The following WDR70 variants were observed in gnomAD, a reference collection of about 807,000 sequenced individuals.
WDR70 encodes WD repeat domain 70.
WDR70 carries 53 observed loss-of-function variants against 88.6 expected under a neutral mutation model. The observed-to-expected ratio is 0.60, with a 90% CI of 0.48 to 0.75. WDR70 has a LOEUF of 0.75. Ranked by LOEUF, WDR70 falls within the 30% of genes least tolerant of loss-of-function variation. WDR70 has a pLI of 0.00. For synonymous variants in WDR70, 280 were observed against 270.0 expected, an observed-to-expected ratio of 1.04 and a Z score of -0.36; for missense variants, 610 against 823.2, an observed-to-expected ratio of 0.74 and a Z score of 3.17.
chr5:37,551,159 G>T (rs1334866066), intron 9 of WDR70, among the ~76,000 whole-genome samples: 2 of 151,926 alleles, frequency 1.3e-5, no homozygotes, highest in African/African-American at 4.8e-5. Flanking sequence ...CAAAAAATTA[G>T]CCAGGCATGG....
At chr5:37,615,410 T>A (rs1003087741) in intron 10 of WDR70, among the ~76,000 whole-genome samples, 1 of 152,122 alleles carries the variant, frequency 6.6e-6, no homozygotes, top group African/African-American at 2.4e-5. Flanking sequence ...AAGATTTTAC[T>A]CACAGGGAAT....
chr5:37,627,855 A>C (rs1353674891), intron 10 of WDR70, among the ~76,000 whole-genome samples: 1 of 152,136 alleles, frequency 6.6e-6, no homozygotes, highest in Non-Finnish European at 1.5e-5. Flanking sequence ...TCAGTCCTGG[A>C]GAGTGTTCCA....
chr5:37,570,859 A>G (rs1415885842), intron 9 of WDR70, among the ~76,000 whole-genome samples: 1 of 152,120 alleles, frequency 6.6e-6, no homozygotes, highest in Non-Finnish European at 1.5e-5. Flanking sequence ...TGTTTCTCAA[A>G]TAGTCCCTCC....
At chr5:37,389,564 A>G (rs1445736648) in intron 3 of WDR70, among the ~76,000 whole-genome samples, 1 of 151,492 alleles carries the variant, frequency 6.6e-6, no homozygotes, top group Non-Finnish European at 1.5e-5. Context: ...GGCGGCTGCC[A>G]CCACGCCTGG....
At chr5:37,410,725 T>C (rs1749497366) in intron 5 of WDR70, among the ~76,000 whole-genome samples, 1 of 152,234 alleles carries the variant, frequency 6.6e-6, no homozygotes, top group Admixed American at 6.5e-5. Context: ...TTGGTTTTTA[T>C]AAATGAAAAG....
At chr5:37,433,968 G>A (rs948997788) in intron 5 of WDR70, among the ~76,000 whole-genome samples, 8 of 152,180 alleles carry the variant, frequency 5.3e-5, no homozygotes, top group African/African-American at 1.9e-4. Flanking sequence ...TTAAGTGAAT[G>A]TTTAGTGAGT....
chr5:37,751,820 T>G (rs1166391607), intron 17 of WDR70, among the ~76,000 whole-genome samples: 1 of 152,136 alleles, frequency 6.6e-6, no homozygotes, highest in Non-Finnish European at 1.5e-5. Flanking sequence ...ATTGAACCGG[T>G]ATGTTTACGA....
chr5:37,382,408 T>C (rs1435726368), intron 3 of WDR70, among the ~76,000 whole-genome samples: 1 of 151,448 alleles, frequency 6.6e-6, no homozygotes, highest in African/African-American at 2.4e-5. Flanking sequence ...TTTTGTTTTT[T>C]TGTTTTGTTT....
At chr5:37,414,815 G>C (rs1352120242) in intron 5 of WDR70, among the ~76,000 whole-genome samples, 1 of 150,526 alleles carries the variant, frequency 6.6e-6, no homozygotes, top group East Asian at 1.9e-4. Context: ...GATCATTCTT[G>C]GGTGTTTCTC....
At chr5:37,554,490 A>G (rs1355160944) in intron 9 of WDR70, among the ~76,000 whole-genome samples, 1 of 152,184 alleles carries the variant, frequency 6.6e-6, no homozygotes, top group Non-Finnish European at 1.5e-5. Flanking sequence ...AGTCCAGGAA[A>G]GTAGCTAAAT....
chr5:37,523,041 T>G (rs1337514554), intron 9 of WDR70, among the ~76,000 whole-genome samples: 6 of 152,178 alleles, frequency 3.9e-5, no homozygotes. Context: ...CTCTGTAGAC[T>G]CCACCTCTGG....
At chr5:37,429,576 G>C (rs1750240351) in intron 5 of WDR70, among the ~76,000 whole-genome samples, 1 of 152,112 alleles carries the variant, frequency 6.6e-6, no homozygotes, top group Admixed American at 6.5e-5. Flanking sequence ...CCAATTGTTT[G>C]AGTATTGTTT....
At chr5:37,474,115 A>G (rs1359249587) in intron 7 of WDR70, among the ~76,000 whole-genome samples, 1 of 151,924 alleles carries the variant, frequency 6.6e-6, no homozygotes, top group Admixed American at 6.5e-5. Flanking sequence ...ATCTTGCTTT[A>G]TTTTCAAACA....
chr5:37,531,581 G>GTTTT (rs1554147558), intron 9 of WDR70, among the ~76,000 whole-genome samples: 1 of 108,820 alleles, frequency 9.2e-6, no homozygotes, highest in Non-Finnish European at 1.9e-5. Flanking sequence ...TTGCTTTAAA[G>GTTTT]TTTTTCTTTT....
intron 10 of WDR70, among the ~76,000 whole-genome samples, chr5:37,686,898 G>A (rs1175241099): frequency 1.3e-5 from 2 of 149,846 alleles, no homozygotes; most frequent in African/African-American, 2.5e-5. Context: ...AGAGGCCTAC[G>A]AGATTGTGCC....
intron 10 of WDR70, among the ~76,000 whole-genome samples, chr5:37,633,190 C>A (rs888342825): frequency 1.3e-5 from 2 of 152,134 alleles, no homozygotes; most frequent in Non-Finnish European, 2.9e-5. Flanking sequence ...TGTTTAGTGA[C>A]CCATGACTGT....
chr5:37,638,923 T>A (rs555621820), intron 10 of WDR70, among the ~76,000 whole-genome samples: 70 of 152,344 alleles, frequency 4.6e-4, no homozygotes, highest in Non-Finnish European at 7.9e-4. Flanking sequence ...ATTTCTAGAA[T>A]AATTTAATAT....
intron 9 of WDR70, among the ~76,000 whole-genome samples, chr5:37,573,177 A>G (rs1742956171): frequency 6.6e-6 from 1 of 151,810 alleles, no homozygotes; most frequent in African/African-American, 2.4e-5. Context: ...TTCTCCTGTA[A>G]TTTTTTTCTT....
chr5:37,671,478 A>T (rs1746022847), intron 10 of WDR70, among the ~76,000 whole-genome samples: 1 of 152,182 alleles, frequency 6.6e-6, no homozygotes, highest in African/African-American at 2.4e-5. Flanking sequence ...AAACTGGAAA[A>T]GTCTAGCAGC....
Sources: allele counts gnomAD v4.1 joint callset (sites outside exome capture counted in the v4.1 genomes callset), GRCh38; gene constraint gnomAD v4.1.1; transcripts MANE v1.5; gene names NCBI Gene and HGNC (gene_info 2026-07-23, HGNC 2026-07-21).